The following LDAH variants were observed in gnomAD, a reference collection of about 807,000 sequenced individuals.
The protein encoded by LDAH is lipid droplet-associated hydrolase.
A neutral mutation model predicts 29.6 loss-of-function variants in LDAH; 26 were observed. That is an observed-to-expected ratio of 0.88 (90% CI 0.64 to 1.22). The LOEUF (loss-of-function observed/expected upper bound fraction) is 1.22, where lower values mean the gene tolerates loss of function less well. LDAH is among the 50% of genes most tolerant of loss of function. The probability of loss-of-function intolerance (pLI) is 0.00; values close to 1 mark genes in which losing one functional copy is unlikely to be tolerated. For synonymous variants in LDAH, 117 were observed against 133.0 expected, an observed-to-expected ratio of 0.88 and a Z score of 0.83; for missense variants, 344 against 387.3, an observed-to-expected ratio of 0.89 and a Z score of 0.94.
At chr2:20,753,001 C>T (rs994453224) in intron 4 of LDAH, among the ~76,000 whole-genome samples, 1 of 152,090 alleles carries the variant, frequency 6.6e-6, no homozygotes, top group African/African-American at 2.4e-5. Context: ...ACAACAACAG[C>T]AACAACAAAA....
chr2:20,732,724 G>A (rs538778563), intron 5 of LDAH, among the ~76,000 whole-genome samples: 9 of 152,214 alleles, frequency 5.9e-5, no homozygotes, highest in African/African-American at 2.2e-4. Context: ...AGGCTCTATG[G>A]TGATATTTTC....
chr2:20,695,163 T>C (rs1446288998), intron 6 of LDAH, among the ~76,000 whole-genome samples: 1 of 152,266 alleles, frequency 6.6e-6, no homozygotes, highest in Non-Finnish European at 1.5e-5. Context: ...AGTACTATTG[T>C]GTTTTCCCCT....
At chr2:20,712,167 G>T (rs1006320620) in intron 5 of LDAH, among the ~76,000 whole-genome samples, 4 of 152,158 alleles carry the variant, frequency 2.6e-5, no homozygotes, top group Non-Finnish European at 5.9e-5. Context: ...GCCCCTCTGG[G>T]ACAAAGCTTC....
intron 2 of LDAH, 97 bp from the exon 3 acceptor site, chr2:20,790,495 T>A: frequency 9.8e-7 from 1 of 1,022,216 alleles, no homozygotes; most frequent in Non-Finnish European, 1.4e-6. Flanking sequence ...CTTTTCACAC[T>A]TTCCTCTGAA....
intron 5 of LDAH, among the ~76,000 whole-genome samples, chr2:20,718,081 C>T (rs1665351502): frequency 6.6e-6 from 1 of 151,926 alleles, no homozygotes; most frequent in South Asian, 2.1e-4. Flanking sequence ...AAATCACAAC[C>T]ACAAATAAAG....
intron 5 of LDAH, among the ~76,000 whole-genome samples, chr2:20,726,619 G>A (rs1666035030): frequency 6.6e-6 from 1 of 152,110 alleles, no homozygotes; most frequent in Non-Finnish European, 1.5e-5. Context: ...TTCCAATGGT[G>A]CCAAGTTGCA....
At chr2:20,797,995 ATCTT>A (rs1671419323) in intron 2 of LDAH, among the ~76,000 whole-genome samples, 1 of 152,200 alleles carries the variant, frequency 6.6e-6, no homozygotes, top group Admixed American at 6.5e-5. Context: ...TGGGTAGAGA[ATCTT>A]CACATACAAA....
At chr2:20,807,541 T>C (rs1031746006) in intron 1 of LDAH, among the ~76,000 whole-genome samples, 3 of 151,974 alleles carry the variant, frequency 2.0e-5, no homozygotes, top group African/African-American at 4.8e-5. Flanking sequence ...GTTTAAATAT[T>C]CAAAATTTAA....
At chr2:20,802,232 G>A (rs1174364955) in intron 1 of LDAH, among the ~76,000 whole-genome samples, 2 of 151,906 alleles carry the variant, frequency 1.3e-5, no homozygotes, top group Non-Finnish European at 2.9e-5. Context: ...GCTAATTTTT[G>A]TATTTTTAGT....
chr2:20,794,860 C>G (rs1451829172), intron 2 of LDAH, among the ~76,000 whole-genome samples: 1 of 152,140 alleles, frequency 6.6e-6, no homozygotes. Context: ...GAACGCATAG[C>G]AAGTATCACA....
chr2:20,727,880 T>C (rs187557429), intron 5 of LDAH, among the ~76,000 whole-genome samples: 2 of 152,330 alleles, frequency 1.3e-5, no homozygotes, highest in East Asian at 1.9e-4. Flanking sequence ...AAGTTTATAA[T>C]GTACACTAAC....
downstream of LDAH, among the ~76,000 whole-genome samples, chr2:20,683,858 T>TA (rs34107436): frequency 0.21 from 31,016 of 150,470 alleles, 4,051 homozygotes; most frequent in East Asian, 0.46. Context: ...TTATCTCCAT[T>TA]AAAAAAAAAA....
chr2:20,732,878 T>A (rs1044786915), intron 5 of LDAH, among the ~76,000 whole-genome samples: 1 of 148,652 alleles, frequency 6.7e-6, no homozygotes, highest in Non-Finnish European at 1.5e-5. Flanking sequence ...GTTTTCAATT[T>A]TTTTTGTAGA....
At chr2:20,779,006 G>A (rs550913123) in intron 3 of LDAH, among the ~76,000 whole-genome samples, 60 of 150,852 alleles carry the variant, frequency 4.0e-4, no homozygotes, top group Non-Finnish European at 7.8e-4. Flanking sequence ...AGTATTTATT[G>A]GTCATCTCTG....
chr2:20,779,916 T>G (rs1670073522), intron 3 of LDAH, among the ~76,000 whole-genome samples: 1 of 152,194 alleles, frequency 6.6e-6, no homozygotes, highest in African/African-American at 2.4e-5. Flanking sequence ...AAAGATGTTG[T>G]GGGTTGATAC....
intron 6 of LDAH, among the ~76,000 whole-genome samples, chr2:20,696,853 A>G (rs1034935339): frequency 6.6e-6 from 1 of 151,980 alleles, no homozygotes; most frequent in African/African-American, 2.4e-5. Flanking sequence ...GGTTTATTTC[A>G]TCCTGGTTCT....
At chr2:20,694,914 G>A (rs1663327059) in intron 6 of LDAH, among the ~76,000 whole-genome samples, 1 of 152,242 alleles carries the variant, frequency 6.6e-6, no homozygotes, top group Non-Finnish European at 1.5e-5. Context: ...TTTCTCACGT[G>A]AGACTGCACT....
intron 4 of LDAH, among the ~76,000 whole-genome samples, chr2:20,764,605 C>T (rs998588120): frequency 6.6e-6 from 1 of 152,228 alleles, no homozygotes; most frequent in Non-Finnish European, 1.5e-5. Flanking sequence ...GAACTCCTCC[C>T]AATGCATTCA....
At chr2:20,806,999 T>C (rs1474640721) in intron 1 of LDAH, among the ~76,000 whole-genome samples, 1 of 151,970 alleles carries the variant, frequency 6.6e-6, no homozygotes, top group African/African-American at 2.4e-5. Flanking sequence ...CAAAAGTTTT[T>C]ACTTTGAAAA....
Sources: allele counts gnomAD v4.1 joint callset (sites outside exome capture counted in the v4.1 genomes callset), GRCh38; gene constraint gnomAD v4.1.1; transcripts MANE v1.5; gene names NCBI Gene and HGNC (gene_info 2026-07-23, HGNC 2026-07-21).